DPRX: variants seen among roughly 807,000 people sequenced by gnomAD.
DPRX encodes divergent paired-related homeobox.
In DPRX, 11 loss-of-function variants were observed where a neutral mutation model predicts 8.4. The observed-to-expected ratio is 1.31, with a 90% CI of 0.82 to 2.17. DPRX has a LOEUF of 2.17. Among genes scored for constraint, DPRX ranks in the 30% most tolerant of loss-of-function variants. The probability of loss-of-function intolerance (pLI) is 0.00; values close to 1 mark genes in which losing one functional copy is unlikely to be tolerated. For synonymous variants in DPRX, 72 were observed against 87.0 expected, an observed-to-expected ratio of 0.83 and a Z score of 0.96; for missense variants, 211 against 236.7, an observed-to-expected ratio of 0.89 and a Z score of 0.71.
At chr19:53,629,039 C>T (rs2091081277), upstream of DPRX, among the ~76,000 whole-genome samples, 7 of 151,674 alleles carry the variant, frequency 4.6e-5, no homozygotes, top group South Asian at 2.1e-4. Context: ...AGGGGCTTGG[C>T]GCAGTGGCTC....
At chr19:53,627,084 C>T (rs957307394), upstream of DPRX, among the ~76,000 whole-genome samples, 3 of 152,082 alleles carry the variant, frequency 2.0e-5, no homozygotes, top group African/African-American at 7.2e-5. Flanking sequence ...CAGCGGTTTC[C>T]AGCCCTATTT....
the DPRX span, among the ~76,000 whole-genome samples, chr19:53,613,980 C>G: frequency 6.7e-6 from 1 of 150,050 alleles, no homozygotes; most frequent in Non-Finnish European, 1.5e-5. Flanking sequence ...GAGACAAAGT[C>G]TCACTCTGTT....
chr19:53,601,604 C>T, the DPRX span, among the ~76,000 whole-genome samples: 2 of 151,904 alleles, frequency 1.3e-5, no homozygotes, highest in African/African-American at 2.4e-5. Context: ...GCCTCAGCCT[C>T]CTGAGTAGCT....
exon 3 of DPRX, chr19:53,636,920 C>G: frequency 1.2e-6 from 2 of 1,613,662 alleles, no homozygotes; most frequent in Non-Finnish European, 1.7e-6. Context: ...TTTGGAATCC[C>G]AAGTTTGCGC....
chr19:53,601,904 C>G, the DPRX span: 1 of 395,220 alleles, frequency 2.5e-6, no homozygotes, highest in Admixed American at 3.0e-5. Flanking sequence ...CGCAACTGCC[C>G]TTTTTACCCC....
the DPRX span, among the ~76,000 whole-genome samples, chr19:53,613,293 C>T: frequency 6.6e-6 from 1 of 152,042 alleles, no homozygotes; most frequent in Admixed American, 6.6e-5. Context: ...ATCAACAGCT[C>T]ACATATGGGG....
rs142844533 is a variant in DPRX at position 53,634,904 on chromosome 19, T to G, written c.183+219T>G. ...CAGGTAGTAAATAATTGAAGCTTTG[T>G]GGGCCATACCGTCTCTCTAGCAACT... On this transcript the variant is annotated intron_variant, in intron 2 of 2. Coordinates refer to ENST00000376650, the Ensembl canonical transcript of DPRX. Among the ~76,000 whole-genome samples, 462 of 152,310 alleles carry G rather than the reference T, an allele frequency of 3.0e-3. 3 individuals carry two copies. Among genetic ancestry groups the G allele is most frequent in the Non-Finnish European group, 4.6e-3 (310 of 68,030 alleles).
the DPRX span, among the ~76,000 whole-genome samples, chr19:53,617,536 C>G: frequency 9.8e-6 from 1 of 102,562 alleles, no homozygotes; most frequent in African/African-American, 3.8e-5. Context: ...CCAGCCTGGA[C>G]AACAAGAGTA....
chr19:53,608,976 G>GAAAAAA, the DPRX span, among the ~76,000 whole-genome samples: 23 of 80,666 alleles, frequency 2.9e-4, no homozygotes, highest in African/African-American at 9.8e-4. Context: ...AAAAAAAAAG[G>GAAAAAA]AAAGAAAAGA....
At chr19:53,601,628 CACA>C in the DPRX span, among the ~76,000 whole-genome samples, 1 of 151,816 alleles carries the variant, frequency 6.6e-6, no homozygotes, top group Non-Finnish European at 1.5e-5. Flanking sequence ...ATTACCGGCA[CACA>C]CCACCATGCC....
chr19:53,608,284 C>CA, the DPRX span: 107,581 of 151,710 alleles, frequency 0.71, 38,628 homozygotes, highest in East Asian at 0.82. Context: ...TGTCGTTGGA[C>CA]CACCCCAGCT....
At chr19:53,620,608 G>A in the DPRX span, among the ~76,000 whole-genome samples, 2 of 151,836 alleles carry the variant, frequency 1.3e-5, no homozygotes, top group South Asian at 4.2e-4. Flanking sequence ...CAAGTGATCT[G>A]TCTGCCTTGG....
At chr19:53,625,571 G>C in the DPRX span, among the ~76,000 whole-genome samples, 1 of 151,982 alleles carries the variant, frequency 6.6e-6, no homozygotes, top group South Asian at 2.1e-4. Flanking sequence ...GATCTTCTCT[G>C]TGGTGAGCAC....
the DPRX span, chr19:53,608,282 G>GAC: frequency 8.5e-5 from 12 of 141,516 alleles, no homozygotes; most frequent in African/African-American, 2.9e-4. Flanking sequence ...GGTGTCGTTG[G>GAC]ACCACCCCAG....
At chr19:53,603,035 G>GTATATA in the DPRX span, among the ~76,000 whole-genome samples, 107 of 150,548 alleles carry the variant, frequency 7.1e-4, 2 homozygotes, top group East Asian at 0.01. Context: ...GTGTGTGTGT[G>GTATATA]TGTATATATA....
chr19:53,601,342 C>G, the DPRX span: 1 of 456,650 alleles, frequency 2.2e-6, no homozygotes. Context: ...TGCAGAGATG[C>G]TGACCAGAGG....
the DPRX span, among the ~76,000 whole-genome samples, chr19:53,614,285 C>T: frequency 1.3e-5 from 2 of 152,060 alleles, no homozygotes; most frequent in Non-Finnish European, 2.9e-5. Flanking sequence ...AGCGATGGTG[C>T]GTGCCTGTGG....
At chr19:53,635,604 CT>C in intron 2 of DPRX, among the ~76,000 whole-genome samples, 1 of 152,208 alleles carries the variant, frequency 6.6e-6, no homozygotes, top group East Asian at 1.9e-4. Context: ...TGGACTCAAA[CT>C]CCTGAAATCA....
exon 3 of DPRX, chr19:53,636,976 T>G (rs761447857): frequency 1.3e-6 from 2 of 1,599,274 alleles, no homozygotes; most frequent in Non-Finnish European, 1.7e-6. Flanking sequence ...CTAACCAAAG[T>G]CGAGAGAGAT....
Sources: allele counts gnomAD v4.1 joint callset (sites outside exome capture counted in the v4.1 genomes callset), GRCh38; gene constraint gnomAD v4.1.1; transcripts MANE v1.5; gene names NCBI Gene and HGNC (gene_info 2026-07-23, HGNC 2026-07-21).